Variants in OTOR observed in about 807,000 individuals in gnomAD.
OTOR encodes fibrocyte-derived protein.
A neutral mutation model predicts 15.9 loss-of-function variants in OTOR; 20 were observed. The ratio of observed to expected loss-of-function variants is 1.26; its 90% CI spans 0.89 to 1.83. The LOEUF is 1.83. OTOR is among the 40% of genes most tolerant of loss of function. The probability of loss-of-function intolerance (pLI) is 0.00; values close to 1 mark genes in which losing one functional copy is unlikely to be tolerated. For missense variants in OTOR, 184 were observed against 159.0 expected, an observed-to-expected ratio of 1.16 and a Z score of -0.85; for synonymous variants, 53 against 54.2, an observed-to-expected ratio of 0.98 and a Z score of 0.09.
intron 3 of OTOR, among the ~76,000 whole-genome samples, chr20:16,750,879 T>A (rs1367673032): frequency 6.6e-6 from 1 of 152,222 alleles, no homozygotes; most frequent in Admixed American, 6.5e-5. Context: ...CTGAAATCTG[T>A]CAGATAACTG....
In OTOR at chr20:16,749,013, T is replaced by TG; in HGVS notation, c.255+7_255+8insG. ...AGAATTTTGGGCTGGCAGTGTAAGATAATTTAAACACCTATTGACGAATAT... is the reference window on the plus strand; with the variant it reads ...AGAATTTTGGGCTGGCAGTGTAAGATGAATTTAAACACCTATTGACGAATAT... On this transcript the variant is annotated splice_region_variant and intron_variant, in intron 2 of 3. Transcript: ENST00000246081. The TG allele has an allele frequency of 6.3e-7, 1 of 1,596,096 alleles. No individual in the cohort carries two copies.
At chr20:16,749,704 C>G (rs2072515660) in intron 2 of OTOR, 199 bp from the exon 3 acceptor site, 2 of 548,590 alleles carry the variant, frequency 3.6e-6, no homozygotes, top group African/African-American at 3.8e-5. Flanking sequence ...GGCCACTAAA[C>G]AGTAGATGCA....
intron 1 of OTOR, 112 bp from the exon 2 acceptor site, chr20:16,748,755 A>C: frequency 1.2e-6 from 1 of 839,024 alleles, no homozygotes; most frequent in Admixed American, 3.2e-5. Context: ...CCAGCTATGA[A>C]CTGGGAATTA....
At chr20:16,749,044 T>A (rs749366411) in intron 2 of OTOR, 38 bp downstream of exon 2, 2 of 1,475,288 alleles carry the variant, frequency 1.4e-6, no homozygotes, top group Non-Finnish European at 1.8e-6. Flanking sequence ...AATATTGCTC[T>A]TAACCTTTCC....
Position 16,748,922 on chromosome 20 carries a change from C to T in OTOR, c.171C>T (p.Phe57=), listed in dbSNP as rs867802471. 2 of 1,611,250 alleles carry T rather than the reference C, an allele frequency of 1.2e-6. No homozygotes were observed. The highest frequency in any genetic ancestry group is 1.7e-6 in the Non-Finnish European group (2 of 1,178,364). Residue 57 remains phenylalanine (F), a synonymous_variant, in exon 2 of 4, where the codon TTC becomes TTT. Transcript: ENST00000246081. The stretch of plus-strand genomic sequence containing the variant: ...ATTATAATGCCCCGGACTGTAGATT[C>T]ATTAACGTTAAAAAAGGGCAGCAGA... ...QEDYNAPDCR[F]INVKKGQQIY...
chr20:16,751,231 C>T lies in OTOR; in HGVS notation c.*113C>T. Reference sequence around the variant, plus strand: ...GGACTGACGTTTTAAGAATTTGTTACCTTACAGAAGAGCAAGGGCTTAGGG... The same window carrying T: ...GGACTGACGTTTTAAGAATTTGTTATCTTACAGAAGAGCAAGGGCTTAGGG... On this transcript the variant is annotated 3_prime_UTR_variant, in exon 4 of 4. Transcript: ENST00000246081. 1.3e-6 allele frequency: 1 copy of T among 752,208 alleles called. No individual in the cohort carries two copies. The highest frequency in any genetic ancestry group is 1.8e-5 in the South Asian group (1 of 54,726). 46.6% of individuals were successfully genotyped at this position (752,208 alleles called of 1,614,324 possible).
chr20:16,748,562 G>T, intron 1 of OTOR, 46 bp downstream of exon 1: 2 of 1,119,494 alleles, frequency 1.8e-6, no homozygotes, highest in South Asian at 1.3e-5. Context: ...TTACATAATT[G>T]AAAATATATC....
chr20:16,749,229 A>G lies in OTOR; in HGVS notation c.255+223A>G, dbSNP rs1239887605. On this transcript the variant is annotated intron_variant, in intron 2 of 3. Transcript: ENST00000246081. ...GTTAATGTGATATTTTGGTAAAAAA[A>G]GAGTCAAATACATGGGGGCTTAAAC... 38 of 370,034 alleles carry G rather than the reference A, an allele frequency of 1.0e-4. 1 individual carries two copies. In the East Asian group the frequency reaches 1.6e-3, roughly 16 times the overall value. 22.9% of individuals were successfully genotyped at this position (370,034 alleles called of 1,614,324 possible). A position where few individuals can be genotyped will look rare whatever the true frequency, so the allele number is the denominator to read the frequency against.
chr20:16,750,312 A>C (rs994811022), intron 3 of OTOR, among the ~76,000 whole-genome samples: 3 of 152,144 alleles, frequency 2.0e-5, no homozygotes, highest in Non-Finnish European at 4.4e-5. Context: ...AATTGCATAC[A>C]TTTAATGCAT....
chr20:16,749,949 C>T lies in OTOR; in HGVS notation c.302C>T (p.Pro101Leu). Residue 101 changes from proline to leucine, a missense_variant, in exon 3 of 4, where the codon CCC becomes CTC. By Grantham distance (98) the Pro-to-Leu change is moderately conservative (BLOSUM62 -3). Transcript: ENST00000246081. The part of the protein sequence containing the change: ...QDEMGVVGYF[P>L]RNLVKEQRVY... ...GAGATGGGAGTCGTGGGTTATTTCCCCAGGAACTTGGTCAAGGAACAGCGT... is the reference window on the plus strand; with the variant it reads ...GAGATGGGAGTCGTGGGTTATTTCCTCAGGAACTTGGTCAAGGAACAGCGT... 5 of 1,613,766 alleles carry T rather than the reference C, an allele frequency of 3.1e-6. No homozygotes were observed. The highest frequency in any genetic ancestry group is 4.2e-6 in the Non-Finnish European group (5 of 1,179,830).
intron 3 of OTOR, 55 bp downstream of exon 3, chr20:16,750,065 C>T (rs533549759): frequency 9.2e-5 from 110 of 1,199,510 alleles, no homozygotes; most frequent in East Asian, 1.7e-4. Flanking sequence ...CAATGTAGGC[C>T]GGTGTTAAAA....
Position 16,749,936 on chromosome 20 carries a change from G to C in OTOR, c.289G>C (p.Val97Leu). 1.9e-6 allele frequency: 3 copies of C among 1,613,720 alleles called. No homozygotes were observed. Among genetic ancestry groups the C allele is most frequent in the Non-Finnish European group, 2.5e-6 (3 of 1,179,728 alleles). ...TGATGGCCAGGACGAGATGGGAGTC[G>C]TGGGTTATTTCCCCAGGAACTTGGT... ...YGDGQDEMGVVGYFPRNLVKE... is the reference protein window; with the variant it reads ...YGDGQDEMGVLGYFPRNLVKE... Residue 97 changes from valine (V) to leucine (L), a missense_variant, in exon 3 of 4, where the codon GTG becomes CTG. Transcript: ENST00000246081.
intron 2 of OTOR, chr20:16,749,280 G>A (rs1176314052): frequency 1.2e-5 from 3 of 257,172 alleles, no homozygotes; most frequent in Non-Finnish European, 7.2e-6. Flanking sequence ...AATCTTATCC[G>A]AAAACGTCTG....
Position 16,751,128 on chromosome 20 carries a change from TA to T in OTOR, c.*14del. On this transcript the variant is annotated 3_prime_UTR_variant, in exon 4 of 4. Coordinates refer to ENST00000246081, the MANE Select transcript of OTOR (RefSeq NM_020157.4). ...CTTCTTCTGCGAGTAATAAATTAGT[TA>T]AAACTGCAAATAGAAAGAAAACACC... 6.6e-7 allele frequency: 1 copy of T among 1,517,636 alleles called. No individual in the cohort carries two copies. Among genetic ancestry groups the T allele is most frequent in the Non-Finnish European group, 8.9e-7 (1 of 1,121,098 alleles). 94.0% of individuals were successfully genotyped at this position (1,517,636 alleles called of 1,614,324 possible).
rs769737173 is a variant in OTOR, at chr20:16,748,995, T to C, written c.244T>C (p.Trp82Arg). 2.6e-6 allele frequency: 4 copies of C among 1,560,104 alleles called. No individual in the cohort carries two copies. The highest frequency in any genetic ancestry group is 3.4e-6 in the Non-Finnish European group (4 of 1,161,626). The change falls in exon 2 of 4, where the codon TGG becomes CGG. Residue 82 changes from tryptophan (W) to arginine (R), a missense_variant. Transcript: ENST00000246081. ...AAAAGAAAATGGAGCTGGAGAATTT[T>C]GGGCTGGCAGTGTAAGATAATTTAA... ...LVKENGAGEF[W>R]AGSVYGDGQD... is the part of the protein sequence containing the mutation.
chr20:16,749,159 A>G (rs2072512621), intron 2 of OTOR, among the ~76,000 whole-genome samples, 153 bp downstream of exon 2: 1 of 152,228 alleles, frequency 6.6e-6, no homozygotes, highest in Non-Finnish European at 1.5e-5. Context: ...TTGCTATTGC[A>G]TTTTAAAGAA....
intron 2 of OTOR, 72 bp from the exon 3 acceptor site, chr20:16,749,831 G>C: frequency 1.0e-6 from 1 of 1,003,444 alleles, no homozygotes; most frequent in Admixed American, 1.8e-5. Context: ...TCAGCAAAGA[G>C]GACGCCTGCG....
chr20:16,751,625 A>T lies in OTOR; in HGVS notation c.*507A>T, dbSNP rs1024184. Reference sequence around the variant, plus strand: ...GTATTTTTGTTACTTTTAATATTTGATGCCTTTTGGAGGTAAAGCTGTTGG... The same window carrying T: ...GTATTTTTGTTACTTTTAATATTTGTTGCCTTTTGGAGGTAAAGCTGTTGG... On this transcript the variant is annotated 3_prime_UTR_variant, in exon 4 of 4. Transcript: ENST00000246081. The T allele has an allele frequency of 0.19, 28,774 of 152,182 alleles. 3,175 individuals are homozygous for T. The highest frequency in any genetic ancestry group is 0.5 in the East Asian group (2,575 of 5,164). 9.4% of individuals were successfully genotyped at this position (152,182 alleles called of 1,614,324 possible). A position where few individuals can be genotyped will look rare whatever the true frequency, so the allele number is the denominator to read the frequency against.
intron 2 of OTOR, chr20:16,749,680 G>C: frequency 2.0e-6 from 1 of 492,078 alleles, no homozygotes; most frequent in South Asian, 3.7e-5. Flanking sequence ...TGCTAAAGTA[G>C]CGAAATAAGA....
Sources: allele counts gnomAD v4.1 joint callset (sites outside exome capture counted in the v4.1 genomes callset), GRCh38; gene constraint gnomAD v4.1.1; transcripts MANE v1.5; gene names NCBI Gene and HGNC (gene_info 2026-07-23, HGNC 2026-07-21).